The following FHIT variants were observed in gnomAD, a reference collection of about 807,000 sequenced individuals.
FHIT encodes fragile histidine triad diadenosine triphosphatase, also known as bis(5'-adenosyl)-triphosphatase.
A neutral mutation model predicts 17.9 loss-of-function variants in FHIT; 19 were observed. The observed-to-expected ratio is 1.06, with a 90% CI of 0.74 to 1.56. FHIT has a LOEUF of 1.56. Among genes scored for constraint, FHIT ranks in the 40% most tolerant of loss-of-function variants. The pLI is 0.00. For synonymous variants in FHIT, 81 were observed against 69.7 expected, an observed-to-expected ratio of 1.16 and a Z score of -0.81; for missense variants, 248 against 189.2, an observed-to-expected ratio of 1.31 and a Z score of -1.82.
intron 8 of FHIT, among the ~76,000 whole-genome samples, chr3:59,863,778 G>T (rs1194036512): frequency 6.6e-6 from 1 of 152,214 alleles, no homozygotes; most frequent in Non-Finnish European, 1.5e-5. Context: ...GGCAGATGAA[G>T]CTCTGAGCCA....
intron 4 of FHIT, among the ~76,000 whole-genome samples, chr3:60,787,205 T>C (rs1700614013): frequency 1.3e-5 from 2 of 152,186 alleles, no homozygotes; most frequent in South Asian, 4.1e-4. Flanking sequence ...AAAAAATATA[T>C]TTATATACAT....
intron 2 of FHIT, among the ~76,000 whole-genome samples, chr3:61,112,525 CA>C (rs2036190252): frequency 6.6e-6 from 1 of 152,094 alleles, no homozygotes; most frequent in Non-Finnish European, 1.5e-5. Flanking sequence ...AATGTCTTTT[CA>C]ATATTTTCTT....
At chr3:60,270,886 A>G (rs139579098) in intron 5 of FHIT, among the ~76,000 whole-genome samples, 1 of 152,344 alleles carries the variant, frequency 6.6e-6, no homozygotes, top group Admixed American at 6.5e-5. Context: ...TGCACAGCAG[A>G]CTGACAATGA....
At chr3:60,251,019 G>C (rs1705682485) in intron 5 of FHIT, among the ~76,000 whole-genome samples, 1 of 152,100 alleles carries the variant, frequency 6.6e-6, no homozygotes, top group Non-Finnish European at 1.5e-5. Context: ...AGTAGCCCTG[G>C]GAGATGTGCA....
chr3:60,367,848 G>T (rs1700170575), intron 5 of FHIT, among the ~76,000 whole-genome samples: 1 of 152,140 alleles, frequency 6.6e-6, no homozygotes, highest in Non-Finnish European at 1.5e-5. Flanking sequence ...GGAAACTGCT[G>T]TTCTGATTTC....
chr3:60,145,099 T>C lies in FHIT; in HGVS notation c.104-130947A>G, dbSNP rs1700184117. Among the ~76,000 whole-genome samples the C allele has an allele frequency of 2.6e-5, 4 of 152,180 alleles. No homozygotes were observed. In the South Asian group the frequency reaches 8.3e-4, roughly 32 times the overall value. On this transcript the variant is annotated intron_variant, in intron 5 of 9. Coordinates refer to ENST00000492590, the MANE Select transcript of FHIT (RefSeq NM_002012.4). ...CTCAGTATTCCCCTTCAACTAACTC[T>C]CAACCCATTTGAAATCTTATTCATA...
intron 4 of FHIT, among the ~76,000 whole-genome samples, chr3:60,786,691 T>C (rs751060902): frequency 3.3e-5 from 5 of 152,202 alleles, no homozygotes; most frequent in Non-Finnish European, 5.9e-5. Flanking sequence ...TTCAGACAAA[T>C]CTAAGAGAAG....
chr3:60,435,819 C>T (rs1245298338), intron 5 of FHIT, among the ~76,000 whole-genome samples: 1 of 152,076 alleles, frequency 6.6e-6, no homozygotes, highest in African/African-American at 2.4e-5. Flanking sequence ...ACTCCGTGTT[C>T]TGACAACAGG....
chr3:60,662,545 AT>A (rs1182077593), intron 4 of FHIT, among the ~76,000 whole-genome samples: 1 of 151,894 alleles, frequency 6.6e-6, no homozygotes, highest in Non-Finnish European at 1.5e-5. Flanking sequence ...TTCCATATGA[AT>A]TTTTGGATTG....
At chr3:60,105,369 T>C (rs1204608174) in intron 5 of FHIT, among the ~76,000 whole-genome samples, 1 of 152,208 alleles carries the variant, frequency 6.6e-6, no homozygotes, top group Non-Finnish European at 1.5e-5. Flanking sequence ...TTGCATATAA[T>C]ACAGTTTTTG....
At position 60,024,870 on chromosome 3, in the gene FHIT, T is replaced by C. The variant is rs542875023; in HGVS notation, c.104-10718A>G. 5.0e-4 allele frequency among the ~76,000 whole-genome samples: 76 copies of C among 151,928 alleles called. 3 individuals are homozygous for C. The South Asian group carries it at 0.016, about 31-fold the overall frequency. On this transcript the variant is annotated intron_variant, in intron 5 of 9. Transcript: ENST00000492590. ...GAAGCCACTGAAGCATTTCGGAGAG[T>C]GGAGATGTATGACAGATTCTGGGTT...
At position 60,653,560 on chromosome 3, in the gene FHIT, A is replaced by G. The variant is rs890198487; in HGVS notation, c.-17-116581T>C. The stretch of plus-strand genomic sequence containing the variant: ...GAGATTGCATGGTAAAATTCCCCAG[A>G]GTTAAAGAGAAAGATGAATGTTCAA... On this transcript the variant is annotated intron_variant, in intron 4 of 9. Transcript: ENST00000492590. Among the ~76,000 whole-genome samples, 154 of 152,260 alleles carry G rather than the reference A, an allele frequency of 1.0e-3. 2 individuals carry two copies. The highest frequency in any genetic ancestry group is 3.6e-3 in the African/African-American group (149 of 41,574).
chr3:60,949,733 T>G (rs1242049431), intron 3 of FHIT, among the ~76,000 whole-genome samples: 2 of 152,200 alleles, frequency 1.3e-5, no homozygotes, highest in African/African-American at 4.8e-5. Flanking sequence ...AATATCTGCT[T>G]ATTTATTTAC....
At chr3:60,068,745 T>G (rs929452840) in intron 5 of FHIT, among the ~76,000 whole-genome samples, 9 of 152,238 alleles carry the variant, frequency 5.9e-5, no homozygotes, top group Non-Finnish European at 1.3e-4. Context: ...CAATGAAACA[T>G]AATTTTTTCC....
At chr3:60,189,724 C>T (rs1330163805) in intron 5 of FHIT, among the ~76,000 whole-genome samples, 2 of 152,182 alleles carry the variant, frequency 1.3e-5, no homozygotes, top group Non-Finnish European at 2.9e-5. Context: ...AATCGTTTTT[C>T]AGCTCTCTGA....
intron 5 of FHIT, among the ~76,000 whole-genome samples, chr3:60,203,053 T>C (rs192706981): frequency 2.0e-5 from 3 of 152,248 alleles, no homozygotes. Context: ...CACGTGTCTG[T>C]AAAATTGGTA....
At chr3:60,282,044 G>C (rs1031744427) in intron 5 of FHIT, among the ~76,000 whole-genome samples, 5 of 152,144 alleles carry the variant, frequency 3.3e-5, no homozygotes, top group African/African-American at 1.2e-4. Context: ...GAACGTTCAT[G>C]CATTGTTGGT....
rs73836113 is a variant in FHIT at position 60,766,886 on chromosome 3, T to C, written c.-18+55033A>G. On this transcript the variant is annotated intron_variant, in intron 4 of 9. Coordinates refer to ENST00000492590, the MANE Select transcript of FHIT (RefSeq NM_002012.4). ...ACAGTTCAGTGTAGTATTTCTAAAA[T>C]TGCATTCCTTAGAATGAAAGTGACC... Among the ~76,000 whole-genome samples the C allele has an allele frequency of 1.5e-3, 225 of 152,344 alleles. 1 individual carries two copies. Among genetic ancestry groups the C allele is most frequent in the African/African-American group, 5.2e-3 (217 of 41,578 alleles).
At chr3:61,034,886 G>C (rs1439734517) in intron 3 of FHIT, among the ~76,000 whole-genome samples, 1 of 152,116 alleles carries the variant, frequency 6.6e-6, no homozygotes, top group East Asian at 1.9e-4. Flanking sequence ...CAGCCCACTT[G>C]TCCATCAACA....
Sources: allele counts gnomAD v4.1 joint callset (sites outside exome capture counted in the v4.1 genomes callset), GRCh38; gene constraint gnomAD v4.1.1; transcripts MANE v1.5; gene names NCBI Gene and HGNC (gene_info 2026-07-23, HGNC 2026-07-21).